UACA: variants seen among roughly 807,000 people sequenced by gnomAD.
UACA encodes the protein uveal autoantigen with coiled-coil domains and ankyrin repeats.
Under a neutral mutation model 160.5 loss-of-function variants are expected in UACA, and 112 were observed. The observed-to-expected ratio is 0.70, with a 90% CI of 0.60 to 0.82. The LOEUF is 0.82. Ranked by LOEUF, UACA falls within the 40% of genes least tolerant of loss-of-function variation. The pLI is 0.00. For synonymous variants in UACA, 557 were observed against 568.4 expected (o/e 0.98, Z 0.29); for missense variants, 1,574 against 1,614.6 (o/e 0.97, Z 0.43).
rs199674938 is a variant in UACA, at chr15:70,695,098, C to T, written c.220G>A (p.Val74Ile). ...TCAAGATTCCCCTTTGAGGTCACAACATGGAAGCTAAACAAAAAAAAAATA... is the reference window on the plus strand; with the variant it reads ...TCAAGATTCCCCTTTGAGGTCACAATATGGAAGCTAAACAAAAAAAAAATA... The part of the protein sequence containing the change: ...LDVEGRSVFH[V>I]VTSKGNLECL... The change falls in exon 3 of 19, where the codon GTT becomes ATT. Residue 74 changes from valine to isoleucine, a missense_variant. Physicochemically the swap from Val to Ile is conservative, Grantham distance 29. Coordinates refer to ENST00000322954, the MANE Select transcript of UACA (RefSeq NM_018003.4). 11 of 1,595,844 alleles carry T rather than the reference C, an allele frequency of 6.9e-6. No individual in the cohort carries two copies. The African/African-American group carries it at 1.2e-4, about 18-fold the overall frequency.
At chr15:70,677,084 G>T (rs1255458479) in intron 12 of UACA, 24 bp downstream of exon 12, 31 of 1,582,188 alleles carry the variant, frequency 2.0e-5, no homozygotes, top group Non-Finnish European at 2.6e-5. Context: ...AATTTTAATG[G>T]TTTAAAATAA....
intron 17 of UACA, among the ~76,000 whole-genome samples, chr15:70,663,155 C>T (rs1011080475): frequency 2.6e-5 from 4 of 152,184 alleles, no homozygotes; most frequent in Non-Finnish European, 4.4e-5. Flanking sequence ...TGAACTCAAA[C>T]ACATTTACAA....
chr15:70,740,980 A>T (rs1899516879), intron 1 of UACA, among the ~76,000 whole-genome samples: 2 of 152,142 alleles, frequency 1.3e-5, no homozygotes, highest in South Asian at 2.1e-4. Flanking sequence ...CAGAGGTTGC[A>T]GTGAGCCAAG....
At chr15:70,658,218 G>T (rs148557108) in intron 18 of UACA, among the ~76,000 whole-genome samples, 1 of 152,128 alleles carries the variant, frequency 6.6e-6, no homozygotes, top group East Asian at 1.9e-4. Flanking sequence ...TCTTTCCCTT[G>T]AGCTACCCAA....
intron 7 of UACA, among the ~76,000 whole-genome samples, chr15:70,685,837 T>C (rs1897693522): frequency 6.6e-6 from 1 of 152,050 alleles, no homozygotes; most frequent in East Asian, 1.9e-4. Flanking sequence ...CGCAGTGGCA[T>C]GATCTCAGCT....
At chr15:70,716,629 AT>A (rs901345382) in intron 1 of UACA, among the ~76,000 whole-genome samples, 3 of 152,088 alleles carry the variant, frequency 2.0e-5, no homozygotes, top group Non-Finnish European at 4.4e-5. Context: ...ATAGTTTATA[AT>A]TTTTTTATCC....
chr15:70,677,806 TCTTA>T (rs1159147828), intron 11 of UACA, among the ~76,000 whole-genome samples: 4 of 152,286 alleles, frequency 2.6e-5, no homozygotes, highest in East Asian at 3.9e-4. Context: ...TCTGATTCCC[TCTTA>T]CTTCCTTCAA....
At chr15:70,774,797 T>C in the UACA span, among the ~76,000 whole-genome samples, 9 of 152,266 alleles carry the variant, frequency 5.9e-5, no homozygotes, top group African/African-American at 2.2e-4. Flanking sequence ...CTGACACTTG[T>C]AATCCCAGCA....
chr15:70,659,369 A>C, intron 18 of UACA, among the ~76,000 whole-genome samples: 2 of 52,374 alleles, frequency 3.8e-5, no homozygotes, highest in East Asian at 4.6e-4. Context: ...CTCAACATCC[A>C]TCTTTCCCTT....
At chr15:70,737,015 G>A (rs886402630) in intron 1 of UACA, among the ~76,000 whole-genome samples, 3 of 152,230 alleles carry the variant, frequency 2.0e-5, no homozygotes, top group East Asian at 3.9e-4. Flanking sequence ...AAAGGTATGA[G>A]GGTGTCTCGT....
intron 1 of UACA, among the ~76,000 whole-genome samples, chr15:70,760,205 C>CTTA (rs1429361472): frequency 2.0e-5 from 3 of 151,560 alleles, no homozygotes; most frequent in Non-Finnish European, 4.4e-5. Flanking sequence ...TAATAAGTAT[C>CTTA]TTATGTATCA....
At chr15:70,718,010 TTAAAA>T (rs1898869343) in intron 1 of UACA, among the ~76,000 whole-genome samples, 1 of 148,740 alleles carries the variant, frequency 6.7e-6, no homozygotes, top group African/African-American at 2.5e-5. Context: ...AGCCAATTCC[TTAAAA>T]TAAATTTCTT....
At position 70,687,636 on chromosome 15, in the gene UACA, G is replaced by C. The variant is rs996559283; in HGVS notation, c.506C>G (p.Thr169Arg). The C allele has an allele frequency of 6.2e-7, 1 of 1,613,900 alleles. No homozygotes were observed. Among genetic ancestry groups the C allele is most frequent in the Non-Finnish European group, 8.5e-7 (1 of 1,179,844 alleles). The stretch of plus-strand genomic sequence containing the variant: ...CATCTGAGTAGCCAGAACAAGTGGT[G>C]TCCGCCCGTCCTAAGCAACAGGAAA... ...SVNAKDVDGRTPLVLATQMSR... is the reference protein window; with the variant it reads ...SVNAKDVDGRRPLVLATQMSR... The change falls in exon 7 of 19, where the codon ACA (threonine) becomes AGA (arginine). Residue 169 changes from threonine (T) to arginine (R), a missense_variant. By Grantham distance (71) the Thr-to-Arg change is moderately conservative. Coordinates refer to ENST00000322954, the MANE Select transcript of UACA (RefSeq NM_018003.4).
At chr15:70,743,213 G>A (rs572849049) in intron 1 of UACA, among the ~76,000 whole-genome samples, 10 of 152,276 alleles carry the variant, frequency 6.6e-5, no homozygotes, top group Admixed American at 2.6e-4. Flanking sequence ...GCTCTGACTT[G>A]CAGTTCTGCT....
chr15:70,728,025 A>T (rs1358006114), intron 1 of UACA, among the ~76,000 whole-genome samples: 2 of 152,212 alleles, frequency 1.3e-5, no homozygotes, highest in Non-Finnish European at 2.9e-5. Flanking sequence ...ACAAAAACAG[A>T]CACACAGACT....
intron 1 of UACA, among the ~76,000 whole-genome samples, chr15:70,745,606 A>C (rs1461801063): frequency 6.6e-6 from 1 of 152,178 alleles, no homozygotes; most frequent in Non-Finnish European, 1.5e-5. Context: ...AATTAGAAAA[A>C]ACTACTTTAA....
the UACA span, among the ~76,000 whole-genome samples, chr15:70,773,486 A>G: frequency 6.6e-6 from 1 of 152,180 alleles, no homozygotes; most frequent in Non-Finnish European, 1.5e-5. Context: ...GATCCAGTAG[A>G]GGGGAAAGGA....
intron 1 of UACA, among the ~76,000 whole-genome samples, chr15:70,753,630 G>A (rs1027952491): frequency 2.6e-5 from 4 of 152,308 alleles, no homozygotes; most frequent in Non-Finnish European, 5.9e-5. Context: ...GGGTTGCGGT[G>A]AGGATTGAGT....
intron 1 of UACA, among the ~76,000 whole-genome samples, 194 bp from the exon 2 acceptor site, chr15:70,699,854 A>G (rs1898278088): frequency 6.6e-6 from 1 of 152,036 alleles, no homozygotes; most frequent in Non-Finnish European, 1.5e-5. Context: ...CCCAAAACAC[A>G]TGATATACAA....
Sources: allele counts gnomAD v4.1 joint callset (sites outside exome capture counted in the v4.1 genomes callset), GRCh38; gene constraint gnomAD v4.1.1; transcripts MANE v1.5; gene names NCBI Gene and HGNC (gene_info 2026-07-23, HGNC 2026-07-21).